Variants in LAMB1 observed in about 807,000 individuals in gnomAD.
LAMB1 encodes laminin subunit beta-1.
LAMB1 carries 121 observed loss-of-function variants against 222.3 expected under a neutral mutation model. The observed-to-expected ratio is 0.54, with a 90% CI of 0.47 to 0.63. The LOEUF (loss-of-function observed/expected upper bound fraction) is 0.63. Among genes scored for constraint, LAMB1 ranks in the 30% least tolerant of loss-of-function variants. The pLI, the probability that LAMB1 is intolerant of heterozygous loss-of-function variation, is 0.00. For synonymous variants in LAMB1, 794 were observed against 807.2 expected (o/e 0.98, Z 0.28); for missense variants, 2,172 against 2,240.8 (o/e 0.97, Z 0.62).
intron 8 of LAMB1, among the ~76,000 whole-genome samples, chr7:107,979,231 C>T (rs955770125): frequency 6.6e-6 from 1 of 152,196 alleles, no homozygotes; most frequent in Non-Finnish European, 1.5e-5. Flanking sequence ...AGAGAAATAC[C>T]TCCCTCCCCT....
At chr7:107,975,662 C>A in intron 10 of LAMB1, 27 bp downstream of exon 10, 5 of 1,592,440 alleles carry the variant, frequency 3.1e-6, no homozygotes, top group Non-Finnish European at 4.3e-6. Context: ...GTAGGTCCCA[C>A]ACAGTGAGTG....
At chr7:107,934,263 T>C (rs773184563) in intron 27 of LAMB1, among the ~76,000 whole-genome samples, 21 of 152,230 alleles carry the variant, frequency 1.4e-4, no homozygotes, top group Non-Finnish European at 2.6e-4. Flanking sequence ...CAATTTTGTC[T>C]ATTTCAGAGA....
chr7:107,945,748 G>A (rs1036407327), intron 24 of LAMB1, among the ~76,000 whole-genome samples: 11 of 152,204 alleles, frequency 7.2e-5, no homozygotes, highest in African/African-American at 2.7e-4. Flanking sequence ...TAGGTTCTTT[G>A]TTGCAAGGAT....
chr7:107,931,534 T>G, intron 28 of LAMB1, 34 bp from the exon 29 acceptor site: 1 of 1,595,656 alleles, frequency 6.3e-7, no homozygotes. Context: ...CAGGGAAGAC[T>G]TTCATTCTTT....
At position 107,986,167 on chromosome 7, in the gene LAMB1, A is replaced by C. The variant is rs1584533654; in HGVS notation, c.612+8T>G. The C allele has an allele frequency of 1.2e-5, 19 of 1,613,586 alleles. No individual in the cohort carries two copies. The highest frequency in any genetic ancestry group is 1.5e-5 in the Non-Finnish European group (18 of 1,179,488). On this transcript the variant is annotated splice_region_variant and intron_variant, in intron 6 of 33. Transcript: ENST00000222399. The stretch of plus-strand genomic sequence containing the variant: ...CAAGTAGAATGTAAAACACAGAAGC[A>C]AACAAACCTCTCCTTCAGTTGAGGG...
Position 107,932,365 on chromosome 7 carries a change from G to A in LAMB1, c.4201C>T (p.Pro1401Ser), listed in dbSNP as rs1562974794. The change falls in exon 28 of 34, where the codon CCC becomes TCC. Residue 1401 changes from proline to serine, a missense_variant. Transcript: ENST00000222399. ...SAAAEMTCGT[P>S]PGASCSETEC... ...GTCTCGGAACAGGAGGCCCCTGGGG[G>A]TGTTCCACAGGTCTGCAACAAGCCA... 6.2e-7 allele frequency: 1 copy of A among 1,614,190 alleles called. No individual in the cohort carries two copies.
chr7:107,988,552 C>A (rs895034412), intron 5 of LAMB1, among the ~76,000 whole-genome samples: 1 of 152,148 alleles, frequency 6.6e-6, no homozygotes, highest in African/African-American at 2.4e-5. Context: ...TGCCAGTACC[C>A]CTCATTACAT....
At chr7:107,926,124 A>C in intron 32 of LAMB1, 59 bp downstream of exon 32, 5 of 1,324,912 alleles carry the variant, frequency 3.8e-6, no homozygotes, top group Non-Finnish European at 5.4e-6. Flanking sequence ...AAGGCAGGCA[A>C]GGAGGAGACT....
chr7:107,996,806 G>T (rs2034289549), intron 4 of LAMB1, among the ~76,000 whole-genome samples: 3 of 152,176 alleles, frequency 2.0e-5, no homozygotes, highest in Non-Finnish European at 4.4e-5. Flanking sequence ...CTAAAATGGG[G>T]ACAGTCTCCA....
intron 4 of LAMB1, among the ~76,000 whole-genome samples, chr7:107,997,276 A>G (rs1002239646): frequency 2.6e-5 from 4 of 152,110 alleles, no homozygotes; most frequent in Non-Finnish European, 4.4e-5. Flanking sequence ...ACAAAAAATT[A>G]GCTGGGCGTG....
At chr7:108,002,052 G>A in intron 2 of LAMB1, 15 of 1,445,942 alleles carry the variant, frequency 1.0e-5, no homozygotes, top group Non-Finnish European at 1.4e-5. Context: ...CCAACAAAGG[G>A]TGGATGTGTA....
intron 2 of LAMB1, chr7:108,002,030 G>A: frequency 1.4e-6 from 2 of 1,444,864 alleles, no homozygotes; most frequent in South Asian, 3.0e-5. Context: ...TCAGCCCCGG[G>A]GAGCAGCTCC....
chr7:107,975,365 C>A lies in LAMB1; in HGVS notation c.1238G>T (p.Ser413Ile). The change falls in exon 11 of 34, where the codon AGC becomes ATC. Residue 413 changes from serine to isoleucine, a missense_variant. Coordinates refer to ENST00000222399, the MANE Select transcript of LAMB1 (RefSeq NM_002291.3). The part of the protein sequence containing the change: ...AGSQNEGICD[S>I]YTDFSTGLIA... ...GAGACCAGTAGAAAAATCAGTATAG[C>A]TGTCACAAATTCCCTCATTTTGAGA... is the stretch of plus-strand genomic sequence containing the variant. 3 of 1,613,812 alleles carry A rather than the reference C, an allele frequency of 1.9e-6. No homozygotes were observed. Among genetic ancestry groups the A allele is most frequent in the Non-Finnish European group, 2.5e-6 (3 of 1,179,912 alleles).
At chr7:107,962,785 T>C in intron 15 of LAMB1, 120 bp downstream of exon 15, 5 of 622,046 alleles carry the variant, frequency 8.0e-6, no homozygotes, top group Non-Finnish European at 1.3e-5. Context: ...ACTATAGGAA[T>C]CTGATCTGTT....
At chr7:107,938,015 G>GACA (rs2032888125) in intron 25 of LAMB1, among the ~76,000 whole-genome samples, 1 of 151,998 alleles carries the variant, frequency 6.6e-6, no homozygotes, top group South Asian at 2.1e-4. Flanking sequence ...GTGTGTGTGT[G>GACA]CACATGCGAG....
chr7:107,976,012 G>C lies in LAMB1; in HGVS notation c.1001-135C>G, dbSNP rs2033846670. ...TGGCAGTCAACAAGCAGGACTCCTG[G>C]GGAAAAAGGACGCATCCACCGATGA... On this transcript the variant is annotated intron_variant, in intron 9 of 33. Transcript: ENST00000222399. 12 of 672,974 alleles carry C rather than the reference G, an allele frequency of 1.8e-5. No homozygotes were observed. In the South Asian group the frequency reaches 2.3e-4, roughly 13 times the overall value. 41.7% of individuals were successfully genotyped at this position (672,974 alleles called of 1,614,324 possible). A position where few individuals can be genotyped will look rare whatever the true frequency, so the allele number is the denominator to read the frequency against.
chr7:107,985,329 A>G (rs2034052715), intron 7 of LAMB1, among the ~76,000 whole-genome samples: 1 of 152,226 alleles, frequency 6.6e-6, no homozygotes, highest in Non-Finnish European at 1.5e-5. Context: ...TTTACCATCA[A>G]AACTTTTATT....
chr7:107,964,780 A>G, intron 13 of LAMB1, 93 bp from the exon 14 acceptor site: 1 of 1,343,140 alleles, frequency 7.4e-7, no homozygotes, highest in South Asian at 1.3e-5. Flanking sequence ...CTCAGTACAC[A>G]GGACCAAATA....
intron 13 of LAMB1, among the ~76,000 whole-genome samples, chr7:107,971,452 T>C (rs1390043897): frequency 6.6e-6 from 1 of 152,220 alleles, no homozygotes; most frequent in Admixed American, 6.5e-5. Context: ...AATCAGTGCT[T>C]CAGTTGACCC....
Sources: gnomAD v4.1 joint callset for allele counts (sites outside exome capture counted in the v4.1 genomes callset) on GRCh38, gnomAD v4.1.1 for gene constraint, MANE v1.5 for transcripts, NCBI Gene and HGNC (gene_info 2026-07-23, HGNC 2026-07-21) for gene names.